Variants in CACNB2 observed in about 807,000 individuals in gnomAD.
The protein encoded by CACNB2 is calcium voltage-gated channel auxiliary subunit beta 2.
In CACNB2, 42 loss-of-function variants were observed where a neutral mutation model predicts 73.3. That is an observed-to-expected ratio of 0.57 (90% CI 0.45 to 0.74). CACNB2 has a LOEUF of 0.74. Ranked by LOEUF, CACNB2 falls within the 30% of genes least tolerant of loss-of-function variation. CACNB2 has a pLI of 0.00. For synonymous variants in CACNB2, 348 were observed against 310.3 expected (o/e 1.12, Z -1.28); for missense variants, 940 against 853.0 (o/e 1.10, Z -1.27).
chr10:18,477,888 G>T (rs2048520220), intron 3 of CACNB2, among the ~76,000 whole-genome samples: 1 of 152,122 alleles, frequency 6.6e-6, no homozygotes, highest in East Asian at 1.9e-4. Context: ...TCAGCTTTCA[G>T]CTTCATTTTT....
intron 2 of CACNB2, among the ~76,000 whole-genome samples, chr10:18,324,462 T>C (rs1042474550): frequency 2.6e-5 from 4 of 152,222 alleles, no homozygotes; most frequent in African/African-American, 7.2e-5. Context: ...GGTAAAGGAA[T>C]GTGCAAAGAG....
chr10:18,426,730 T>G (rs531989552), intron 3 of CACNB2, among the ~76,000 whole-genome samples: 1 of 152,264 alleles, frequency 6.6e-6, no homozygotes, highest in East Asian at 1.9e-4. Context: ...CTCCAGTCCT[T>G]TTAACTTTTC....
intron 2 of CACNB2, among the ~76,000 whole-genome samples, chr10:18,330,065 T>G (rs1342407901): frequency 6.6e-6 from 1 of 152,308 alleles, no homozygotes; most frequent in Non-Finnish European, 1.5e-5. Flanking sequence ...GGTCTTGAAC[T>G]CCTGACCTCA....
At position 18,151,270 on chromosome 10, in the gene CACNB2, ATTG is replaced by A. The variant is rs1015347867; in HGVS notation, c.213+298_213+300del. On this transcript the variant is annotated intron_variant, in intron 2 of 13. Coordinates refer to ENST00000324631, the MANE Select transcript of CACNB2 (RefSeq NM_201596.3). ...CAGAAATGATTATGGATTTGGGGGG[ATTG>A]TTTTTTTTTTTTTTCAGTGGGACAG... 6.2e-5 allele frequency: 16 copies of A among 257,710 alleles called. No individual in the cohort carries two copies. The East Asian group carries it at 1.1e-3, about 17-fold the overall frequency. The allele number at this position is 257,710 out of a possible 1,614,324, so 16.0% of individuals were successfully genotyped here.
At chr10:18,141,160 G>T in intron 1 of CACNB2, 1 of 1,547,490 alleles carries the variant, frequency 6.5e-7, no homozygotes, top group Non-Finnish European at 8.7e-7. Flanking sequence ...CCCCTTCCCG[G>T]GAGAGGCACA....
intron 2 of CACNB2, among the ~76,000 whole-genome samples, chr10:18,270,554 T>G (rs1476736971): frequency 6.6e-6 from 1 of 152,212 alleles, no homozygotes; most frequent in Non-Finnish European, 1.5e-5. Context: ...AATGTTGCTA[T>G]GAGACACTTC....
chr10:18,400,965 G>A lies in CACNB2; in HGVS notation c.214-959G>A, dbSNP rs965662799. On this transcript the variant is annotated intron_variant, in intron 2 of 13. Transcript: ENST00000324631. ...AGGAAAGGAGCTGGGGTTCTCCGGG[G>A]CTCAGCGCGCACTGAGAACCTGTGC... 5.0e-6 allele frequency: 8 copies of A among 1,611,276 alleles called. No homozygotes were observed. In the Admixed American group the frequency reaches 1.0e-4, roughly 20 times the overall value.
At chr10:18,141,256 G>A in intron 1 of CACNB2, 2 of 1,427,220 alleles carry the variant, frequency 1.4e-6, no homozygotes, top group Non-Finnish European at 1.9e-6. Context: ...TTCCCGCAGC[G>A]CTTTCTACGA....
At chr10:18,538,910 A>G (rs770276740) in intron 13 of CACNB2, among the ~76,000 whole-genome samples, 1 of 152,142 alleles carries the variant, frequency 6.6e-6, no homozygotes, top group Non-Finnish European at 1.5e-5. Flanking sequence ...GCTGTATAGA[A>G]AAATCTCAGG....
intron 2 of CACNB2, among the ~76,000 whole-genome samples, chr10:18,275,344 CTTT>C (rs1312360376): frequency 1.3e-5 from 2 of 152,156 alleles, no homozygotes; most frequent in Non-Finnish European, 2.9e-5. Flanking sequence ...TGCCAAACTT[CTTT>C]ATGAAGGGGG....
intron 3 of CACNB2, among the ~76,000 whole-genome samples, chr10:18,413,237 G>C (rs1012851848): frequency 3.3e-5 from 5 of 152,218 alleles, no homozygotes; most frequent in Admixed American, 1.3e-4. Flanking sequence ...CTCCCAAAGT[G>C]CTGGGATTAC....
chr10:18,270,906 C>T lies in CACNB2; in HGVS notation c.213+119931C>T, dbSNP rs189907573. 8.9e-3 allele frequency among the ~76,000 whole-genome samples: 1,359 copies of T among 152,262 alleles called. 16 individuals carry two copies. Among genetic ancestry groups the T allele is most frequent in the Admixed American group, 0.014 (215 of 15,286 alleles). ...GACGTAATGGTTGAATACATATATA[C>T]ATAATGCTGGGGAAATATCAAATTT... is the stretch of plus-strand genomic sequence containing the variant. On this transcript the variant is annotated intron_variant, in intron 2 of 13. Coordinates refer to ENST00000324631, the MANE Select transcript of CACNB2 (RefSeq NM_201596.3).
chr10:18,359,754 G>T (rs2042070200), intron 2 of CACNB2, among the ~76,000 whole-genome samples: 1 of 151,578 alleles, frequency 6.6e-6, no homozygotes, highest in East Asian at 1.9e-4. Context: ...CCCTCCTCTA[G>T]CCCCCCACCC....
intron 3 of CACNB2, among the ~76,000 whole-genome samples, chr10:18,478,509 G>C (rs1341496014): frequency 5.3e-5 from 8 of 152,250 alleles, no homozygotes; most frequent in Non-Finnish European, 1.2e-4. Context: ...TTCTGAAGCT[G>C]CTGCTGTAAG....
At chr10:18,232,196 T>C (rs1459906762) in intron 2 of CACNB2, among the ~76,000 whole-genome samples, 1 of 152,224 alleles carries the variant, frequency 6.6e-6, no homozygotes, top group Non-Finnish European at 1.5e-5. Context: ...AAAGAAGATA[T>C]AATAATATTT....
chr10:18,230,172 C>G (rs2036170410), intron 2 of CACNB2, among the ~76,000 whole-genome samples: 1 of 152,138 alleles, frequency 6.6e-6, no homozygotes, highest in East Asian at 1.9e-4. Flanking sequence ...ATGAGGGAGA[C>G]AGAGAGAGCA....
chr10:18,336,600 C>CAG (rs1468070380), intron 2 of CACNB2, among the ~76,000 whole-genome samples: 1 of 150,090 alleles, frequency 6.7e-6, no homozygotes, highest in South Asian at 2.1e-4. Context: ...GCCTGGGTAA[C>CAG]AGAGAGAGAG....
chr10:18,458,620 G>C (rs961671923), intron 3 of CACNB2, among the ~76,000 whole-genome samples: 1 of 151,806 alleles, frequency 6.6e-6, no homozygotes, highest in Admixed American at 6.6e-5. Flanking sequence ...AAGACAAAAA[G>C]GTCCCAAAGG....
intron 2 of CACNB2, among the ~76,000 whole-genome samples, chr10:18,271,337 AGAG>A (rs1228457422): frequency 2.6e-5 from 4 of 152,248 alleles, no homozygotes; most frequent in African/African-American, 9.6e-5. Context: ...ACTGAAGTGC[AGAG>A]GAGATCTAAG....
Sources: gnomAD v4.1 joint callset for allele counts (sites outside exome capture counted in the v4.1 genomes callset) on GRCh38, gnomAD v4.1.1 for gene constraint, MANE v1.5 for transcripts, NCBI Gene and HGNC (gene_info 2026-07-23, HGNC 2026-07-21) for gene names.